ADAMTS6: variants seen among roughly 807,000 people sequenced by gnomAD.
ADAMTS6 encodes the protein ADAM metallopeptidase with thrombospondin type 1 motif 6.
A neutral mutation model predicts 144.3 loss-of-function variants in ADAMTS6; 23 were observed. The observed-to-expected ratio is 0.16, with a 90% CI of 0.11 to 0.23. The LOEUF is 0.23. Ranked by LOEUF, ADAMTS6 falls within the 10% of genes least tolerant of loss-of-function variation. ADAMTS6 has a pLI of 1.00. For synonymous variants in ADAMTS6, 444 were observed against 457.5 expected (o/e 0.97, Z 0.38); for missense variants, 999 against 1,379.6 (o/e 0.72, Z 4.37).
chr5:65,297,872 T>C (rs1580329341), intron 10 of ADAMTS6, among the ~76,000 whole-genome samples: 1 of 152,210 alleles, frequency 6.6e-6, no homozygotes, highest in African/African-American at 2.4e-5. Context: ...CTTTCATTAA[T>C]AGTTTTAACT....
At position 65,208,701 on chromosome 5, in the gene ADAMTS6, G is replaced by A. The variant is rs117099933; in HGVS notation, c.2575+6093C>T. ...GATGATCAAATGAAATATAGTACCA[G>A]AAAATGTTTTAAACTTTACAATTTT... is the stretch of plus-strand genomic sequence containing the variant. On this transcript the variant is annotated intron_variant, in intron 20 of 24. Coordinates refer to ENST00000381055, the MANE Select transcript of ADAMTS6 (RefSeq NM_197941.4). Among the ~76,000 whole-genome samples the A allele has an allele frequency of 4.9e-4, 74 of 152,304 alleles. 1 individual carries two copies. In the East Asian group the frequency reaches 0.014, roughly 29 times the overall value.
intron 8 of ADAMTS6, among the ~76,000 whole-genome samples, chr5:65,332,120 C>G (rs1279950785): frequency 6.6e-6 from 1 of 151,500 alleles, no homozygotes; most frequent in Non-Finnish European, 1.5e-5. Context: ...CTTTATTTCT[C>G]AAAATACTTT....
rs1457583733 is a variant in ADAMTS6, at chr5:65,148,922, CAAAA to C, written c.*2910_*2913del. ...TAAATTAGAATATAATTTACAAAAGCAAAAAAATTAACAGTGTACCACATTATTA... is the reference window on the plus strand; with the variant it reads ...TAAATTAGAATATAATTTACAAAAGCAAATTAACAGTGTACCACATTATTA... On this transcript the variant is annotated 3_prime_UTR_variant, in exon 25 of 25. Transcript: ENST00000381055. The C allele has an allele frequency of 6.6e-6, 1 of 152,230 alleles. No homozygotes were observed. The highest frequency in any genetic ancestry group is 1.9e-4 in the East Asian group (1 of 5,194). 9.4% of individuals were successfully genotyped at this position (152,230 alleles called of 1,614,324 possible). A position where few individuals can be genotyped will look rare whatever the true frequency, so the allele number is the denominator to read the frequency against.
At chr5:65,227,649 A>T (rs1757827843) in intron 15 of ADAMTS6, among the ~76,000 whole-genome samples, 1 of 152,194 alleles carries the variant, frequency 6.6e-6, no homozygotes. Flanking sequence ...AAGAAAATCG[A>T]CTGGGTGGTA....
chr5:65,156,465 C>T (rs188571181), intron 24 of ADAMTS6, among the ~76,000 whole-genome samples: 1 of 152,198 alleles, frequency 6.6e-6, no homozygotes, highest in East Asian at 1.9e-4. Context: ...AACAAATGTT[C>T]TGTTTTAATT....
chr5:65,455,966 T>C (rs1025805391), intron 4 of ADAMTS6, among the ~76,000 whole-genome samples: 1 of 151,692 alleles, frequency 6.6e-6, no homozygotes, highest in Non-Finnish European at 1.5e-5. Context: ...ATGTTAAAAC[T>C]ATATATTTTT....
chr5:65,217,937 C>G (rs1757049325), intron 18 of ADAMTS6, among the ~76,000 whole-genome samples: 2 of 151,948 alleles, frequency 1.3e-5, no homozygotes, highest in Non-Finnish European at 2.9e-5. Context: ...ATGCATTGAC[C>G]AGAACTGTGC....
At chr5:65,267,855 A>G (rs1168918187) in intron 12 of ADAMTS6, among the ~76,000 whole-genome samples, 2 of 152,198 alleles carry the variant, frequency 1.3e-5, no homozygotes, top group Non-Finnish European at 2.9e-5. Context: ...CATTCTTCCC[A>G]AGTCAGAAGA....
chr5:65,456,460 C>T (rs949886490), intron 4 of ADAMTS6, among the ~76,000 whole-genome samples: 12 of 152,262 alleles, frequency 7.9e-5, no homozygotes, highest in Admixed American at 2.6e-4. Context: ...TACAGCCATT[C>T]ACCATTATTT....
In ADAMTS6 at chr5:65,215,391, T is replaced by C. The variant is rs764960065; in HGVS notation, c.2369A>G (p.Lys790Arg). The stretch of plus-strand genomic sequence containing the variant: ...GGATTCTGGTTCATCAGTTGGTCTC[T>C]TGTAATGAAAAGCTGTCCCAGCAAC... ...FDVAGTAFHY[K>R]RPTDEPESLE... The change falls in exon 19 of 25, where the codon AAG (lysine) becomes AGG (arginine). Residue 790 changes from lysine (K) to arginine (R), a missense_variant. Lys to Arg is a conservative substitution (Grantham distance 26). This residue lies in a region of ADAMTS6 where 619 missense variants were observed against 837.0 expected (regional missense o/e 0.74). Transcript: ENST00000381055. 1.2e-6 allele frequency: 2 copies of C among 1,614,114 alleles called. No individual in the cohort carries two copies. Among genetic ancestry groups the C allele is most frequent in the Admixed American group, 3.3e-5 (2 of 60,022 alleles).
intron 14 of ADAMTS6, 70 bp downstream of exon 14, chr5:65,260,530 A>G: frequency 7.8e-7 from 1 of 1,279,760 alleles, no homozygotes; most frequent in South Asian, 1.3e-5. Flanking sequence ...ATAGTTTAAA[A>G]TTAAAAAAAT....
At chr5:65,341,007 GATC>G (rs1747769176) in intron 7 of ADAMTS6, among the ~76,000 whole-genome samples, 2 of 151,948 alleles carry the variant, frequency 1.3e-5, no homozygotes, top group African/African-American at 4.8e-5. Flanking sequence ...GCATTGGACA[GATC>G]ATCTAGACAG....
intron 24 of ADAMTS6, among the ~76,000 whole-genome samples, chr5:65,160,384 G>A (rs2111991763): frequency 6.7e-6 from 1 of 150,152 alleles, no homozygotes; most frequent in Non-Finnish European, 1.5e-5. Flanking sequence ...TCGGCTCACT[G>A]CAAGCTCCGC....
chr5:65,458,994 A>G (rs954400578), intron 4 of ADAMTS6, among the ~76,000 whole-genome samples: 3 of 151,808 alleles, frequency 2.0e-5, no homozygotes, highest in African/African-American at 7.3e-5. Context: ...TTGCTGTGCT[A>G]TGTTATATCC....
At chr5:65,421,620 G>T (rs1416148778) in intron 7 of ADAMTS6, among the ~76,000 whole-genome samples, 1 of 152,148 alleles carries the variant, frequency 6.6e-6, no homozygotes, top group African/African-American at 2.4e-5. Context: ...AAAACAGCAT[G>T]GTATTGGTAT....
At chr5:65,397,051 T>C (rs1753402105) in intron 7 of ADAMTS6, among the ~76,000 whole-genome samples, 1 of 152,236 alleles carries the variant, frequency 6.6e-6, no homozygotes, top group South Asian at 2.1e-4. Context: ...TATCTCTTCT[T>C]GTGTGAGTTT....
chr5:65,255,293 G>A (rs1206439198), intron 14 of ADAMTS6, among the ~76,000 whole-genome samples: 1 of 151,750 alleles, frequency 6.6e-6, no homozygotes, highest in African/African-American at 2.4e-5. Flanking sequence ...ATTTCAATAG[G>A]TTTTTGGTGA....
chr5:65,299,904 A>C, intron 10 of ADAMTS6, 81 bp downstream of exon 10: 1 of 1,453,998 alleles, frequency 6.9e-7, no homozygotes, highest in South Asian at 1.4e-5. Context: ...CATTATGCAA[A>C]GTTGAAAGCA....
intron 2 of ADAMTS6, among the ~76,000 whole-genome samples, chr5:65,472,212 T>C (rs1395964281): frequency 6.6e-6 from 1 of 152,082 alleles, no homozygotes; most frequent in Non-Finnish European, 1.5e-5. Flanking sequence ...TGCATTTATA[T>C]GAAATATCCA....
Sources: gnomAD v4.1 joint callset for allele counts (sites outside exome capture counted in the v4.1 genomes callset) on GRCh38, gnomAD v4.1.1 for gene constraint, gnomAD v4.1.1 regional missense constraint, MANE v1.5 for transcripts, NCBI Gene and HGNC (gene_info 2026-07-23, HGNC 2026-07-21) for gene names.